Variants in RBFOX1 observed in about 807,000 individuals in gnomAD.
RBFOX1 encodes RNA binding protein fox-1 homolog 1.
Under a neutral mutation model 57.7 loss-of-function variants are expected in RBFOX1, and 8 were observed. The ratio of observed to expected loss-of-function variants is 0.14; its 90% CI spans 0.08 to 0.25. The LOEUF is 0.25. Ranked by LOEUF, RBFOX1 falls within the 10% of genes least tolerant of loss-of-function variation. The pLI, the probability that RBFOX1 is intolerant of heterozygous loss-of-function variation, is 1.00. For missense variants in RBFOX1, 611 were observed against 548.5 expected, an observed-to-expected ratio of 1.11 and a Z score of -1.14; for synonymous variants, 326 against 222.4, an observed-to-expected ratio of 1.47 and a Z score of -4.15.
intron 2 of RBFOX1, among the ~76,000 whole-genome samples, chr16:6,448,598 C>G (rs2094533593): frequency 6.6e-6 from 1 of 152,090 alleles, no homozygotes; most frequent in Non-Finnish European, 1.5e-5. Flanking sequence ...TTGTGACAAC[C>G]AAAAAATCTC....
intron 5 of RBFOX1, among the ~76,000 whole-genome samples, chr16:7,536,137 G>C (rs1183303830): frequency 6.6e-6 from 1 of 152,208 alleles, no homozygotes; most frequent in African/African-American, 2.4e-5. Context: ...GCAATTGGTT[G>C]AATCTGTGGA....
In RBFOX1 at chr16:7,133,984, A is replaced by G. The variant is rs181531639; in HGVS notation, c.27+81886A>G. 2.5e-3 allele frequency among the ~76,000 whole-genome samples: 379 copies of G among 152,334 alleles called. 5 individuals are homozygous for G. Among genetic ancestry groups the G allele is most frequent in the African/African-American group, 8.7e-3 (362 of 41,576 alleles). ...GGTTGATAACATTAGGCTCTGCGGC[A>G]TTCAATTCTAAGCCTTGCAATATTT... On this transcript the variant is annotated intron_variant, in intron 4 of 15. Transcript: ENST00000550418.
At position 5,283,808 on chromosome 16, in the gene RBFOX1, A is replaced by C. The variant is rs145672741; in HGVS notation, c.219+43703A>C. On this transcript the variant is annotated intron_variant, in intron 1 of 2. Transcript: ENST00000585867. Reference sequence around the variant, plus strand: ...GCGGAAGGGATTTGCCTTGTGTCACATGAGACTTTGGACTGTGGACCTCTC... The same window carrying C: ...GCGGAAGGGATTTGCCTTGTGTCACCTGAGACTTTGGACTGTGGACCTCTC... Among the ~76,000 whole-genome samples, 773 of 152,266 alleles carry C rather than the reference A, an allele frequency of 5.1e-3. 5 individuals are homozygous for C. Among genetic ancestry groups the C allele is most frequent in the Non-Finnish European group, 9.1e-3 (618 of 68,022 alleles).
In RBFOX1 at chr16:6,498,164, A is replaced by G. The variant is rs115499713; in HGVS notation, c.-63-156439A>G. On this transcript the variant is annotated intron_variant, in intron 2 of 15. Transcript: ENST00000550418. ...CTACCTGGAAGGCTGAGGCACGAGA[A>G]TCACTACTACCTGGGAGGTGGAGGT... 8.5e-3 allele frequency among the ~76,000 whole-genome samples: 1,285 copies of G among 151,714 alleles called. 19 individuals are homozygous for G. Among genetic ancestry groups the G allele is most frequent in the African/African-American group, 0.03 (1,223 of 41,390 alleles).
At chr16:6,730,369 G>A (rs2068231358) in intron 3 of RBFOX1, among the ~76,000 whole-genome samples, 1 of 151,122 alleles carries the variant, frequency 6.6e-6, no homozygotes, top group African/African-American at 2.4e-5. Flanking sequence ...GTAAGCATGT[G>A]GAATCTCTCT....
intron 1 of RBFOX1, among the ~76,000 whole-genome samples, chr16:6,309,184 G>T (rs1337902443): frequency 6.6e-6 from 1 of 152,048 alleles, no homozygotes; most frequent in Non-Finnish European, 1.5e-5. Context: ...TTTCCCTGGA[G>T]TTCAGCTTCC....
At chr16:6,284,963 A>G (rs2076752545) in intron 1 of RBFOX1, among the ~76,000 whole-genome samples, 1 of 152,044 alleles carries the variant, frequency 6.6e-6, no homozygotes, top group Non-Finnish European at 1.5e-5. Context: ...GACACAGAAA[A>G]CCCCAGGGTA....
intron 4 of RBFOX1, among the ~76,000 whole-genome samples, chr16:7,110,490 G>A (rs1287441480): frequency 6.6e-6 from 1 of 152,166 alleles, no homozygotes; most frequent in Non-Finnish European, 1.5e-5. Flanking sequence ...TCCGGCTTAA[G>A]GAGAGCCTGA....
chr16:5,819,481 C>A (rs963044713), intron 3 of RBFOX1, among the ~76,000 whole-genome samples: 1 of 152,230 alleles, frequency 6.6e-6, no homozygotes, highest in Non-Finnish European at 1.5e-5. Flanking sequence ...CATGACCTCA[C>A]TGTGCCACTT....
chr16:6,813,665 G>C (rs1441704977), intron 3 of RBFOX1, among the ~76,000 whole-genome samples: 3 of 152,050 alleles, frequency 2.0e-5, no homozygotes, highest in Non-Finnish European at 4.4e-5. Context: ...TTTTCATTTT[G>C]AATTTCTTTA....
In RBFOX1 at chr16:5,921,720, G is replaced by A. The variant is rs368774690; in HGVS notation, c.351+54385G>A. On this transcript the variant is annotated intron_variant, in intron 4 of 19. Coordinates refer to the RBFOX1 transcript ENST00000641259. ...TGGTTCTGCAGGCTGTACAGGGAGC[G>A]TAGTGCCAGAATCTGCTGCTGGGGA... is the stretch of plus-strand genomic sequence containing the variant. 1.9e-4 allele frequency among the ~76,000 whole-genome samples: 29 copies of A among 152,198 alleles called. No homozygotes were observed. In the East Asian group the frequency reaches 2.1e-3, roughly 11 times the overall value.
intron 3 of RBFOX1, among the ~76,000 whole-genome samples, chr16:5,669,400 A>G (rs2049946928): frequency 6.6e-6 from 1 of 150,914 alleles, no homozygotes; most frequent in African/African-American, 2.4e-5. Context: ...CAGTCCTGCC[A>G]AAGAGAATGA....
At chr16:6,756,619 A>C (rs1433571087) in intron 3 of RBFOX1, among the ~76,000 whole-genome samples, 1 of 152,130 alleles carries the variant, frequency 6.6e-6, no homozygotes, top group African/African-American at 2.4e-5. Context: ...CCATAGCAAT[A>C]ATAATAATAA....
chr16:6,457,460 G>C (rs1456993790), intron 2 of RBFOX1, among the ~76,000 whole-genome samples: 1 of 129,658 alleles, frequency 7.7e-6, no homozygotes, highest in Non-Finnish European at 1.7e-5. Context: ...CAATAGCTTT[G>C]ATTTGACATG....
At chr16:7,042,176 G>C (rs1245154117) in intron 3 of RBFOX1, among the ~76,000 whole-genome samples, 40 of 152,216 alleles carry the variant, frequency 2.6e-4, no homozygotes, top group Non-Finnish European at 2.9e-5. Flanking sequence ...ACACTAGCTA[G>C]TCGGTGCATG....
intron 3 of RBFOX1, among the ~76,000 whole-genome samples, chr16:6,900,930 A>G (rs1269198928): frequency 6.6e-6 from 1 of 152,184 alleles, no homozygotes; most frequent in Non-Finnish European, 1.5e-5. Flanking sequence ...GGTAAATGCT[A>G]ATGAAAACAT....
chr16:5,876,643 C>G (rs1056862791), intron 4 of RBFOX1, among the ~76,000 whole-genome samples: 4 of 152,198 alleles, frequency 2.6e-5, no homozygotes, highest in Admixed American at 6.5e-5. Context: ...GATCACAAAA[C>G]CCATTCCCAG....
chr16:6,351,068 C>T (rs1235802325), intron 2 of RBFOX1, among the ~76,000 whole-genome samples: 2 of 152,054 alleles, frequency 1.3e-5, no homozygotes, highest in Non-Finnish European at 2.9e-5. Context: ...CTTTCAACCA[C>T]AGCAATGTGG....
intron 1 of RBFOX1, among the ~76,000 whole-genome samples, chr16:6,192,437 A>T (rs557155395): frequency 6.7e-6 from 1 of 149,988 alleles, no homozygotes; most frequent in African/African-American, 2.5e-5. Context: ...GAGCCCCTCT[A>T]CCTCCCTCAT....
Sources: allele counts gnomAD v4.1 joint callset (sites outside exome capture counted in the v4.1 genomes callset), GRCh38; gene constraint gnomAD v4.1.1; transcripts MANE v1.5; gene names NCBI Gene and HGNC (gene_info 2026-07-23, HGNC 2026-07-21).